PDE4D: variants seen among roughly 807,000 people sequenced by gnomAD.
The protein encoded by PDE4D is phosphodiesterase 4D.
PDE4D carries 24 observed loss-of-function variants against 87.4 expected under a neutral mutation model. The observed-to-expected ratio is 0.27, with a 90% CI of 0.20 to 0.39. The LOEUF (loss-of-function observed/expected upper bound fraction) is 0.39, where lower values mean the gene tolerates loss of function less well. Ranked by LOEUF, PDE4D falls within the 10% of genes least tolerant of loss-of-function variation. PDE4D has a pLI of 1.00. For missense variants in PDE4D, 714 were observed against 1,041.0 expected, an observed-to-expected ratio of 0.69 and a Z score of 4.32; for synonymous variants, 384 against 383.2, an observed-to-expected ratio of 1.00 and a Z score of -0.02.
At chr5:59,790,117 G>A (rs756513270) in intron 1 of PDE4D, among the ~76,000 whole-genome samples, 13 of 152,152 alleles carry the variant, frequency 8.5e-5, no homozygotes, top group African/African-American at 2.4e-4. Context: ...ATCTGTAGAC[G>A]AGGAAACAGG....
chr5:60,374,435 A>G (rs1166120727), intron 1 of PDE4D, among the ~76,000 whole-genome samples: 3 of 152,202 alleles, frequency 2.0e-5, no homozygotes, highest in Non-Finnish European at 4.4e-5. Flanking sequence ...GAGCATATCA[A>G]AGAAACGTTT....
chr5:59,522,324 C>A (rs1812384272), intron 1 of PDE4D, among the ~76,000 whole-genome samples: 1 of 152,084 alleles, frequency 6.6e-6, no homozygotes, highest in Non-Finnish European at 1.5e-5. Context: ...ATGGTAAATA[C>A]CCTTACAGGT....
chr5:60,028,787 C>T (rs537293393), intron 2 of PDE4D, among the ~76,000 whole-genome samples: 87 of 152,246 alleles, frequency 5.7e-4, no homozygotes, highest in Middle Eastern at 3.4e-3. Flanking sequence ...TCCCAGTATG[C>T]CCTTCCAATG....
chr5:59,965,065 A>G (rs1759887611), intron 3 of PDE4D, among the ~76,000 whole-genome samples: 1 of 152,138 alleles, frequency 6.6e-6, no homozygotes, highest in African/African-American at 2.4e-5. Flanking sequence ...CTGTGCCCAT[A>G]TACTCTACGT....
intron 1 of PDE4D, among the ~76,000 whole-genome samples, chr5:59,608,379 C>T (rs1828513792): frequency 1.3e-5 from 2 of 152,156 alleles, no homozygotes; most frequent in African/African-American, 4.8e-5. Flanking sequence ...TGTATTATGT[C>T]TGCTAACATT....
intron 1 of PDE4D, among the ~76,000 whole-genome samples, chr5:59,355,389 G>A (rs1041005411): frequency 6.6e-6 from 1 of 152,070 alleles, no homozygotes; most frequent in African/African-American, 2.4e-5. Context: ...GGAGATTTAT[G>A]ATATTAAGGA....
chr5:59,802,682 C>T (rs756881876), intron 1 of PDE4D, among the ~76,000 whole-genome samples: 3 of 152,050 alleles, frequency 2.0e-5, no homozygotes, highest in East Asian at 1.9e-4. Context: ...CAGGTGTGAG[C>T]CACTGTGCCC....
intron 1 of PDE4D, among the ~76,000 whole-genome samples, chr5:60,252,618 A>C (rs1349089081): frequency 6.6e-6 from 1 of 151,808 alleles, no homozygotes; most frequent in Non-Finnish European, 1.5e-5. Context: ...GACGGATAGA[A>C]ATGAAGGATG....
chr5:59,665,169 A>G (rs538977731), intron 1 of PDE4D, among the ~76,000 whole-genome samples: 219 of 152,324 alleles, frequency 1.4e-3, no homozygotes, highest in African/African-American at 5.2e-3. Context: ...GCCACAGCAG[A>G]AACTTGAGTA....
At position 60,127,747 on chromosome 5, in the gene PDE4D, A is replaced by G. The variant is rs934289554; in HGVS notation, c.42+57810T>C. 9.2e-6 allele frequency: 5 copies of G among 541,834 alleles called. No homozygotes were observed. The African/African-American group carries it at 9.6e-5, about 10-fold the overall frequency. The allele number at this position is 541,834 out of a possible 1,614,324, so 33.6% of individuals were successfully genotyped here. On this transcript the variant is annotated intron_variant, in intron 2 of 16. Coordinates refer to the PDE4D transcript ENST00000502484. ...ATCTAAAATGCCTCTGAAACACTCA[A>G]TGGAAGATATTGAAAAAGCGGTAGG...
intron 1 of PDE4D, among the ~76,000 whole-genome samples, chr5:60,475,841 A>AAAAAAAG (rs765377862): frequency 6.6e-6 from 1 of 151,430 alleles, no homozygotes; most frequent in Non-Finnish European, 1.5e-5. Flanking sequence ...AAAAAAAAAA[A>AAAAAAAG]AGACAATTAC....
chr5:59,049,168 T>G (rs184949172), intron 5 of PDE4D, among the ~76,000 whole-genome samples: 2 of 152,368 alleles, frequency 1.3e-5, no homozygotes, highest in African/African-American at 4.8e-5. Flanking sequence ...TCTGCCTGTA[T>G]GACTTTTCTA....
intron 1 of PDE4D, among the ~76,000 whole-genome samples, chr5:59,305,344 G>A (rs1393032938): frequency 1.3e-5 from 2 of 149,136 alleles, no homozygotes; most frequent in Non-Finnish European, 3.0e-5. Context: ...AAAGAACCAG[G>A]TTTTGTTTCA....
intron 1 of PDE4D, among the ~76,000 whole-genome samples, chr5:59,807,512 A>C (rs1767873253): frequency 1.3e-5 from 2 of 152,172 alleles, no homozygotes. Context: ...CCACACACAC[A>C]CAGAGGTGCT....
At chr5:59,417,624 C>G (rs1050853518) in intron 1 of PDE4D, among the ~76,000 whole-genome samples, 8 of 151,714 alleles carry the variant, frequency 5.3e-5, no homozygotes, top group Non-Finnish European at 1.2e-4. Flanking sequence ...TGGCCTTAAA[C>G]ATACTTCTTT....
chr5:59,005,101 CT>C (rs1190006700), intron 6 of PDE4D, among the ~76,000 whole-genome samples: 8 of 152,190 alleles, frequency 5.3e-5, no homozygotes, highest in Admixed American at 5.2e-4. Flanking sequence ...GGTTTTCACC[CT>C]CAGCAAAATC....
intron 1 of PDE4D, among the ~76,000 whole-genome samples, chr5:59,354,699 C>T (rs1255955959): frequency 6.6e-6 from 1 of 152,194 alleles, no homozygotes; most frequent in Non-Finnish European, 1.5e-5. Flanking sequence ...CTTCCTACCT[C>T]CCTAACCCTT....
chr5:60,014,970 G>A (rs1180487534), intron 2 of PDE4D, among the ~76,000 whole-genome samples: 1 of 152,136 alleles, frequency 6.6e-6, no homozygotes, highest in African/African-American at 2.4e-5. Context: ...GAGGGAATTG[G>A]TAACATGTTC....
At chr5:60,006,214 T>C (rs1417640254) in intron 2 of PDE4D, among the ~76,000 whole-genome samples, 1 of 151,938 alleles carries the variant, frequency 6.6e-6, no homozygotes, top group African/African-American at 2.4e-5. Context: ...AACTGGGTGA[T>C]GAGTATTTAA....
Sources: gnomAD v4.1 joint callset for allele counts (sites outside exome capture counted in the v4.1 genomes callset) on GRCh38, gnomAD v4.1.1 for gene constraint, MANE v1.5 for transcripts, NCBI Gene and HGNC (gene_info 2026-07-23, HGNC 2026-07-21) for gene names.